The following SYTL5 variants were observed in gnomAD, a reference collection of about 807,000 sequenced individuals.
SYTL5 encodes synaptotagmin like 5, also known as synaptotagmin-like protein 5.
A neutral mutation model predicts 55.9 loss-of-function variants in SYTL5; 34 were observed. That is an observed-to-expected ratio of 0.61 (90% CI 0.46 to 0.81). The LOEUF is 0.81. Ranked by LOEUF, SYTL5 falls within the 30% of genes least tolerant of loss-of-function variation. The pLI is 0.00. For missense variants in SYTL5, 637 were observed against 546.7 expected (o/e 1.17, Z -1.65); for synonymous variants, 221 against 188.7 (o/e 1.17, Z -1.40).
intron 14 of SYTL5, 50 bp from the exon 15 acceptor site, chrX:38,122,030 A>ATTTTTT (rs750989279): frequency 2.8e-6 from 3 of 1,054,781 alleles, no homozygotes; most frequent in Admixed American, 3.1e-5. Context: ...TGATTTATCT[A>ATTTTTT]TTTTTTTTTC....
chrX:38,105,685 A>G (rs1602401385), intron 10 of SYTL5, among the ~76,000 whole-genome samples: 1 of 112,242 alleles, frequency 8.9e-6, no homozygotes. Context: ...CACATACTCA[A>G]AACAGCATAC....
the SYTL5 span, among the ~76,000 whole-genome samples, chrX:37,953,136 A>T: frequency 3.6e-5 from 4 of 111,374 alleles, no homozygotes; most frequent in Middle Eastern, 4.6e-3. Flanking sequence ...TGTCTAAAAA[A>T]TAAATAAATT....
chrX:38,043,690 T>TATATATATATATATATATACAC (rs1366385489), intron 2 of SYTL5, among the ~76,000 whole-genome samples: 21 of 69,521 alleles, frequency 3.0e-4, no homozygotes, highest in East Asian at 4.4e-4. Flanking sequence ...TATATATATA[T>TATATATATATATATATATACAC]ACATATATAT....
chrX:37,979,300 G>A, the SYTL5 span, among the ~76,000 whole-genome samples: 1 of 108,957 alleles, frequency 9.2e-6, no homozygotes, highest in African/African-American at 3.4e-5. Context: ...GGAGCAGGTA[G>A]GGGAAAGGTT....
At chrX:37,924,336 C>T in the SYTL5 span, among the ~76,000 whole-genome samples, 2 of 110,737 alleles carry the variant, frequency 1.8e-5, no homozygotes, top group East Asian at 2.8e-4. Flanking sequence ...TTAGTGTCCC[C>T]GTTTATACAG....
At chrX:38,056,018 A>G (rs1935769131) in intron 3 of SYTL5, among the ~76,000 whole-genome samples, 1 of 111,481 alleles carries the variant, frequency 9.0e-6, no homozygotes, top group Non-Finnish European at 1.9e-5. Context: ...ATTATTATTG[A>G]CTATAGTCAC....
At chrX:38,048,600 A>C (rs1935541455) in intron 2 of SYTL5, among the ~76,000 whole-genome samples, 2 of 110,194 alleles carry the variant, frequency 1.8e-5, no homozygotes, top group South Asian at 8.1e-4. Context: ...GTCATGGCGG[A>C]AGGTGAAAGG....
chrX:38,013,190 G>T (rs1282365689), intron 1 of SYTL5, among the ~76,000 whole-genome samples: 1 of 112,457 alleles, frequency 8.9e-6, no homozygotes, highest in Non-Finnish European at 1.9e-5. Flanking sequence ...ACACAGGAAG[G>T]TTATTTCTAA....
At position 38,095,986 on chromosome X, in the gene SYTL5, T is replaced by A. The variant is rs1936926557; in HGVS notation, c.962-148T>A. 1.1e-5 allele frequency: 4 copies of A among 359,719 alleles called. No individual in the cohort carries two copies. In the East Asian group the frequency reaches 1.7e-4, roughly 15 times the overall value. 29.6% of individuals were successfully genotyped at this position (359,719 alleles called of 1,213,427 possible). Reference sequence around the variant, plus strand: ...TATGTTATCATAAACAGCATGAAGTTACTGACTCCGACTGTTGCTTTCATG... The same window carrying A: ...TATGTTATCATAAACAGCATGAAGTAACTGACTCCGACTGTTGCTTTCATG... On this transcript the variant is annotated intron_variant, in intron 8 of 16. Coordinates refer to ENST00000297875, the MANE Select transcript of SYTL5 (RefSeq NM_138780.3).
Position 38,038,764 on chromosome X carries a change from C to G in SYTL5, c.119+4756C>G, listed in dbSNP as rs527470904. On this transcript the variant is annotated intron_variant, in intron 2 of 16. Coordinates refer to ENST00000297875, the MANE Select transcript of SYTL5 (RefSeq NM_138780.3). ...ATCAGTTTCAGAAGGAAATGGAAAC[C>G]AAAATTTTTTTTAGACTGAAAAAGA... Among the ~76,000 whole-genome samples, 8 of 111,751 alleles carry G rather than the reference C, an allele frequency of 7.2e-5. No individual in the cohort carries two copies. The South Asian group carries it at 2.6e-3, about 37-fold the overall frequency.
At chrX:38,023,143 A>G (rs2147148162) in intron 1 of SYTL5, among the ~76,000 whole-genome samples, 1 of 112,446 alleles carries the variant, frequency 8.9e-6, no homozygotes, top group South Asian at 3.7e-4. Flanking sequence ...GCACAAAACT[A>G]TGATGCTGAT....
the SYTL5 span, among the ~76,000 whole-genome samples, chrX:37,974,384 T>C: frequency 9.0e-6 from 1 of 111,572 alleles, no homozygotes; most frequent in Non-Finnish European, 1.9e-5. Context: ...TCTCAGTAGG[T>C]AAATAGAGAG....
intron 3 of SYTL5, among the ~76,000 whole-genome samples, chrX:38,054,639 AGAGAG>A (rs1935729431): frequency 9.5e-6 from 1 of 105,051 alleles, no homozygotes; most frequent in African/African-American, 3.6e-5. Flanking sequence ...AGAGAGAGAG[AGAGAG>A]ATACAGAAAG....
chrX:38,039,071 C>T (rs1345585367), intron 2 of SYTL5, among the ~76,000 whole-genome samples: 5 of 111,734 alleles, frequency 4.5e-5, no homozygotes, highest in African/African-American at 1.6e-4. Flanking sequence ...CATGGCAAGC[C>T]TGATAATTAC....
chrX:38,050,426 T>C (rs1935590053), intron 2 of SYTL5, among the ~76,000 whole-genome samples: 1 of 111,935 alleles, frequency 8.9e-6, no homozygotes, highest in African/African-American at 3.3e-5. Flanking sequence ...GAAAAGATTG[T>C]ATCATTCAAC....
chrX:38,001,415 C>G, the SYTL5 span, among the ~76,000 whole-genome samples: 1 of 111,413 alleles, frequency 9.0e-6, no homozygotes, highest in African/African-American at 3.3e-5. Flanking sequence ...ATTTTTTGCA[C>G]CCATTAACCC....
At chrX:37,996,703 C>G in the SYTL5 span, among the ~76,000 whole-genome samples, 1 of 112,220 alleles carries the variant, frequency 8.9e-6, no homozygotes, top group Admixed American at 9.3e-5. Flanking sequence ...GGCTCGTCTC[C>G]CACCTAGAGC....
chrX:38,038,015 T>C (rs1196648446), intron 2 of SYTL5, among the ~76,000 whole-genome samples: 1 of 111,155 alleles, frequency 9.0e-6, no homozygotes, highest in Admixed American at 9.6e-5. Context: ...TGTCCCAGCC[T>C]GAAGACAGGG....
intron 7 of SYTL5, 129 bp downstream of exon 7, chrX:38,089,716 C>G: frequency 1.4e-6 from 1 of 710,931 alleles, no homozygotes. Flanking sequence ...GCTGCAGAGA[C>G]CTCAGGAAAC....
Sources: gnomAD v4.1 joint callset for allele counts (sites outside exome capture counted in the v4.1 genomes callset) on GRCh38, gnomAD v4.1.1 for gene constraint, MANE v1.5 for transcripts, NCBI Gene and HGNC (gene_info 2026-07-23, HGNC 2026-07-21) for gene names.